Variants in CENPF observed in about 807,000 individuals in gnomAD.
CENPF encodes the protein AH antigen.
A neutral mutation model predicts 307.3 loss-of-function variants in CENPF; 214 were observed. That is an observed-to-expected ratio of 0.70 (90% CI 0.62 to 0.78). The LOEUF (loss-of-function observed/expected upper bound fraction) is 0.78, where lower values mean the gene tolerates loss of function less well. Among genes scored for constraint, CENPF ranks in the 30% least tolerant of loss-of-function variants. The pLI, the probability that CENPF is intolerant of heterozygous loss-of-function variation, is 0.00. For missense variants in CENPF, 3,401 were observed against 3,483.9 expected, an observed-to-expected ratio of 0.98 and a Z score of 0.60; for synonymous variants, 1,259 against 1,270.6, an observed-to-expected ratio of 0.99 and a Z score of 0.19.
rs752455487 is a variant in CENPF at position 214,658,877 on chromosome 1, CT to C, written c.8991del (p.Ser2998AlafsTer23). 5.0e-5 allele frequency: 80 copies of C among 1,613,970 alleles called. No individual in the cohort carries two copies. Among genetic ancestry groups the C allele is most frequent in the Non-Finnish European group, 6.4e-5 (76 of 1,179,982 alleles). Reference protein sequence around the residue: ...KGFADIPTGKTSPYILRRTTM... With the variant: ...KGFADIPTGKXSPYILRRTTM... ...TTTGCTGACATCCCGACAGGAAAGA[CT>C]AGCCCATATATCCTGCGAAGAACAA... On this transcript the variant is annotated frameshift_variant, in exon 19 of 20. Coordinates refer to ENST00000366955, the MANE Select transcript of CENPF (RefSeq NM_016343.4). LOFTEE classifies it high-confidence loss of function.
rs979385883 is a variant in CENPF, at chr1:214,659,254, A to C, written c.9141+226A>C. On this transcript the variant is annotated intron_variant, in intron 19 of 19. Transcript: ENST00000366955. The surrounding 1 kb of genome is among the most constrained non-coding windows in gnomAD (Gnocchi z 4.4). Reference sequence around the variant, plus strand: ...CAACAGGCCGCTTATATGTAGTTTGATGGAAAATGGCATTGTTACATCAAA... The same window carrying C: ...CAACAGGCCGCTTATATGTAGTTTGCTGGAAAATGGCATTGTTACATCAAA... Among the ~76,000 whole-genome samples, 4 of 152,166 alleles carry C rather than the reference A, an allele frequency of 2.6e-5. No homozygotes were observed. The highest frequency in any genetic ancestry group is 6.5e-5 in the Admixed American group (1 of 15,272).
chr1:214,644,695 A>ATAGT lies in CENPF; in HGVS notation c.5127_5128insGTTA (p.Thr1710ValfsTer3). The ATAGT allele has an allele frequency of 6.2e-7, 1 of 1,614,022 alleles. No homozygotes were observed. Among genetic ancestry groups the ATAGT allele is most frequent in the Non-Finnish European group, 8.5e-7 (1 of 1,179,952 alleles). ...GGACCTCAATCTAGACATTGAGAAA[A>ATAGT]TAACTGAGACTGGTGCAGTGAAACC... On this transcript the variant is annotated frameshift_variant, in exon 13 of 20. Coordinates refer to ENST00000366955, the MANE Select transcript of CENPF (RefSeq NM_016343.4). LOFTEE classifies it high-confidence loss of function.
Position 214,642,669 on chromosome 1 carries a change from C to A in CENPF, c.4331C>A (p.Ala1444Asp). ...ELQTYVDSLKAENLVLSTNLR... is the reference protein window; with the variant it reads ...ELQTYVDSLKDENLVLSTNLR... ...CAGACCTATGTTGACTCATTAAAGG[C>A]CGAAAATTTGGTCTTGTCAACGAAT... The change falls in exon 12 of 20, where the codon GCC becomes GAC. Residue 1444 changes from alanine (A) to aspartate (D), a missense_variant. Transcript: ENST00000366955. The A allele has an allele frequency of 6.2e-7, 1 of 1,614,046 alleles. No individual in the cohort carries two copies. Among genetic ancestry groups the A allele is most frequent in the Non-Finnish European group, 8.5e-7 (1 of 1,179,998 alleles).
rs1028481771 is a variant in CENPF, at chr1:214,640,074, A to G, written c.1736A>G (p.His579Arg). The G allele has an allele frequency of 6.2e-7, 1 of 1,601,788 alleles. No individual in the cohort carries two copies. Among genetic ancestry groups the G allele is most frequent in the Non-Finnish European group, 8.5e-7 (1 of 1,177,186 alleles). ...CSQDLLKKRE[H>R]HIEQLNDKLS... is the part of the protein sequence containing the mutation. ...CAAGACCTTTTGAAGAAAAGAGAAC[A>G]TCACATTGAACAACTTAATGATAAG... Residue 579 changes from histidine (H) to arginine (R), a missense_variant, in exon 12 of 20, where the codon CAT (histidine) becomes CGT (arginine). Coordinates refer to ENST00000366955, the MANE Select transcript of CENPF (RefSeq NM_016343.4).
chr1:214,624,472 T>C (rs1054870475), intron 7 of CENPF, among the ~76,000 whole-genome samples: 9 of 152,206 alleles, frequency 5.9e-5, no homozygotes, highest in Non-Finnish European at 1.2e-4. Flanking sequence ...ACTATTAAAA[T>C]TATCCATTTC....
intron 14 of CENPF, among the ~76,000 whole-genome samples, chr1:214,649,180 T>A (rs1658396365): frequency 6.6e-6 from 1 of 152,178 alleles, no homozygotes; most frequent in Admixed American, 6.5e-5. Flanking sequence ...GATTACAGGG[T>A]GGAATGTTGC....
Position 214,642,494 on chromosome 1 carries a change from G to A in CENPF, c.4156G>A (p.Glu1386Lys), listed in dbSNP as rs1427766567. ...QHPVSLAPLD[E>K]SNSYEHLTLS... ...CCCTGTGTCTTTGGCTCCATTGGACGAGAGTAATTCCTACGAGCACTTGAC... is the reference window on the plus strand; with the variant it reads ...CCCTGTGTCTTTGGCTCCATTGGACAAGAGTAATTCCTACGAGCACTTGAC... Residue 1386 changes from glutamate to lysine, a missense_variant, in exon 12 of 20, where the codon GAG becomes AAG. Glu to Lys is a moderately conservative substitution (Grantham distance 56). Transcript: ENST00000366955. 20 of 1,610,190 alleles carry A rather than the reference G, an allele frequency of 1.2e-5. No individual in the cohort carries two copies. Among genetic ancestry groups the A allele is most frequent in the Non-Finnish European group, 1.6e-5 (19 of 1,178,202 alleles).
chr1:214,656,576 T>C (rs1658637733), intron 17 of CENPF, among the ~76,000 whole-genome samples: 1 of 152,194 alleles, frequency 6.6e-6, no homozygotes, highest in Non-Finnish European at 1.5e-5. Context: ...CATCCACTTA[T>C]GGTAGACAGA....
chr1:214,653,614 G>A (rs79286821), intron 16 of CENPF: 5,362 of 154,304 alleles, frequency 0.035, 314 homozygotes, highest in African/African-American at 0.12. Flanking sequence ...ACAGTGTATA[G>A]TAATGAACCT....
Position 214,645,753 on chromosome 1 carries a change from G to A in CENPF, c.6183G>A (p.Leu2061=), listed in dbSNP as rs769986567. Residue 2061 remains leucine (L), a synonymous_variant, in exon 13 of 20, where the codon CTG becomes CTA. Transcript: ENST00000366955. ...KCELENQIAQ[L]NKEKELLVKE... ...AGCTGGAAAACCAAATTGCACAACT[G>A]AATAAAGAGAAAGAATTGCTTGTCA... 5.0e-6 allele frequency: 8 copies of A among 1,614,134 alleles called. No homozygotes were observed. The highest frequency in any genetic ancestry group is 5.9e-6 in the Non-Finnish European group (7 of 1,180,022).
chr1:214,650,977 C>T (rs1037506120), intron 14 of CENPF, among the ~76,000 whole-genome samples: 1 of 152,146 alleles, frequency 6.6e-6, no homozygotes, highest in Non-Finnish European at 1.5e-5. Flanking sequence ...TGGTCAGCAG[C>T]CCCAGATACT....
chr1:214,616,296 T>A (rs1484482022), intron 3 of CENPF, among the ~76,000 whole-genome samples: 1 of 152,210 alleles, frequency 6.6e-6, no homozygotes, highest in South Asian at 2.1e-4. Flanking sequence ...GAAAAGAGAA[T>A]AAGATACGAA....
At chr1:214,617,547 G>A (rs994708149) in intron 3 of CENPF, among the ~76,000 whole-genome samples, 1 of 152,074 alleles carries the variant, frequency 6.6e-6, no homozygotes, top group Non-Finnish European at 1.5e-5. Context: ...TTGCATGATA[G>A]TTCTGAATAC....
chr1:214,660,302 C>T (rs540202162), intron 19 of CENPF, among the ~76,000 whole-genome samples: 24 of 152,274 alleles, frequency 1.6e-4, no homozygotes, highest in Admixed American at 5.9e-4. Flanking sequence ...CCATTTGTTA[C>T]TCTTATTAGA....
intron 2 of CENPF, 128 bp from the exon 3 acceptor site, chr1:214,614,704 G>A: frequency 1.9e-6 from 1 of 536,440 alleles, no homozygotes; most frequent in South Asian, 4.2e-5. Flanking sequence ...TAAAATTTCT[G>A]TGTTCATATG....
At position 214,655,367 on chromosome 1, in the gene CENPF, T is replaced by C. The variant is rs934611930; in HGVS notation, c.8449T>C (p.Ser2817Pro). 2.5e-6 allele frequency: 4 copies of C among 1,607,778 alleles called. No homozygotes were observed. Among genetic ancestry groups the C allele is most frequent in the Non-Finnish European group, 3.4e-6 (4 of 1,177,584 alleles). ...EEKEILQKEL[S>P]QLQAAQEKQK... ...AAAGGAGATACTGCAGAAAGAACTCTCTCAACTTCAAGCTGCACAGGAGAA... is the reference window on the plus strand; with the variant it reads ...AAAGGAGATACTGCAGAAAGAACTCCCTCAACTTCAAGCTGCACAGGAGAA... The change falls in exon 17 of 20, where the codon TCT becomes CCT. Residue 2817 changes from serine (S) to proline (P), a missense_variant. Ser to Pro is a moderately conservative substitution (Grantham distance 74). Coordinates refer to ENST00000366955, the MANE Select transcript of CENPF (RefSeq NM_016343.4).
At position 214,642,370 on chromosome 1, in the gene CENPF, T is replaced by C; in HGVS notation, c.4032T>C (p.Asn1344=). 6.2e-7 allele frequency: 1 copy of C among 1,612,310 alleles called. No homozygotes were observed. Among genetic ancestry groups the C allele is most frequent in the Non-Finnish European group, 8.5e-7 (1 of 1,179,442 alleles). ...KMAEEVGKLL[N]EVKILNDDSG... ...CAGAAGAGGTAGGGAAACTACTAAATGAAGTTAAAATATTAAATGATGACA... is the reference window on the plus strand; with the variant it reads ...CAGAAGAGGTAGGGAAACTACTAAACGAAGTTAAAATATTAAATGATGACA... The change falls in exon 12 of 20, where the codon AAT becomes AAC. Residue 1344 remains asparagine, a synonymous_variant. Transcript: ENST00000366955.
intron 18 of CENPF, 123 bp downstream of exon 18, chr1:214,657,532 A>G: frequency 1.4e-6 from 1 of 702,160 alleles, no homozygotes; most frequent in Non-Finnish European, 2.4e-6. Context: ...ATTGACGTTC[A>G]TAAGCAATAG....
intron 12 of CENPF, among the ~76,000 whole-genome samples, chr1:214,644,031 G>T (rs1279630552): frequency 6.6e-6 from 1 of 152,180 alleles, no homozygotes; most frequent in African/African-American, 2.4e-5. Context: ...TGCAACAGCA[G>T]ATCCCCAGTT....
Sources: allele counts gnomAD v4.1 joint callset (sites outside exome capture counted in the v4.1 genomes callset), GRCh38; gene constraint gnomAD v4.1.1; non-coding constraint Gnocchi (gnomAD v3.1); transcripts MANE v1.5; gene names NCBI Gene and HGNC (gene_info 2026-07-23, HGNC 2026-07-21).